Variants in AGBL1 observed in about 807,000 individuals in gnomAD.
AGBL1 encodes the protein AGBL carboxypeptidase 1.
AGBL1 carries 130 observed loss-of-function variants against 118.9 expected under a neutral mutation model. The observed-to-expected ratio is 1.09, with a 90% CI of 0.95 to 1.26. The LOEUF (loss-of-function observed/expected upper bound fraction) is 1.26. Among genes scored for constraint, AGBL1 ranks in the 50% most tolerant of loss-of-function variants. AGBL1 has a pLI of 0.00. For synonymous variants in AGBL1, 555 were observed against 478.9 expected (o/e 1.16, Z -2.08); for missense variants, 1,584 against 1,298.1 (o/e 1.22, Z -3.38).
rs146687747 is a variant in AGBL1, at chr15:86,891,131, A to C, written c.3159-15956A>C. On this transcript the variant is annotated intron_variant, in intron 22 of 22. Coordinates refer to ENST00000614907, the MANE Select transcript of AGBL1 (RefSeq NM_001386094.1). Reference sequence around the variant, plus strand: ...TGTTAGCTGTATTCCTAGGTATTTTATTCTTTTTGTAGTAATTGTGAATGG... The same window carrying C: ...TGTTAGCTGTATTCCTAGGTATTTTCTTCTTTTTGTAGTAATTGTGAATGG... Among the ~76,000 whole-genome samples, 134 of 151,990 alleles carry C rather than the reference A, an allele frequency of 8.8e-4. 1 individual carries two copies. Among genetic ancestry groups the C allele is most frequent in the African/African-American group, 3.2e-3 (131 of 41,466 alleles).
intron 22 of AGBL1, among the ~76,000 whole-genome samples, chr15:86,753,672 A>T (rs1013093859): frequency 2.0e-5 from 3 of 152,106 alleles, no homozygotes; most frequent in Non-Finnish European, 2.9e-5. Context: ...TGCTGGGAGT[A>T]CAGGCGTAAG....
chr15:86,679,895 C>G (rs963883776), intron 22 of AGBL1, among the ~76,000 whole-genome samples: 7 of 152,014 alleles, frequency 4.6e-5, no homozygotes, highest in Admixed American at 2.6e-4. Context: ...TGGCTGTGAT[C>G]TGAAATATTA....
intron 17 of AGBL1, among the ~76,000 whole-genome samples, chr15:86,348,742 C>T (rs995558549): frequency 6.8e-6 from 1 of 148,036 alleles, no homozygotes; most frequent in Admixed American, 6.8e-5. Context: ...TGAGCCACTG[C>T]ACTTCAGCCT....
intron 17 of AGBL1, among the ~76,000 whole-genome samples, chr15:86,337,547 T>A (rs560151525): frequency 6.6e-6 from 1 of 152,328 alleles, no homozygotes; most frequent in African/African-American, 2.4e-5. Flanking sequence ...TGAGATCATA[T>A]CCTTTGCAGG....
rs545613928 is a variant in AGBL1, at chr15:87,008,675, G to A, written c.3324-20150G>A. On this transcript the variant is annotated intron_variant, in intron 24 of 24. Transcript: ENST00000441037. ...AATGTGGAAAAGTTTGAAACCCCCT[G>A]GAGACTTGTTGAATGGCTTTGACCA... Among the ~76,000 whole-genome samples, 6 of 152,286 alleles carry A rather than the reference G, an allele frequency of 3.9e-5. No homozygotes were observed. In the South Asian group the frequency reaches 1.2e-3, roughly 32 times the overall value.
chr15:86,727,032 G>A (rs545029225), intron 22 of AGBL1, among the ~76,000 whole-genome samples: 2 of 152,258 alleles, frequency 1.3e-5, no homozygotes, highest in East Asian at 3.9e-4. Flanking sequence ...TTAAAATGCA[G>A]AACACGTTTA....
chr15:86,576,526 G>T (rs146268796), intron 21 of AGBL1, among the ~76,000 whole-genome samples: 1 of 152,300 alleles, frequency 6.6e-6, no homozygotes, highest in East Asian at 1.9e-4. Context: ...CAGCCAAAGT[G>T]ACTGACACAA....
intron 22 of AGBL1, among the ~76,000 whole-genome samples, chr15:86,880,277 G>A (rs550734579): frequency 6.6e-6 from 1 of 152,170 alleles, no homozygotes; most frequent in African/African-American, 2.4e-5. Context: ...CACTCATTTA[G>A]AGGACTCATA....
intron 21 of AGBL1, among the ~76,000 whole-genome samples, chr15:86,655,666 G>A (rs2085451750): frequency 6.6e-6 from 1 of 152,272 alleles, no homozygotes; most frequent in East Asian, 1.9e-4. Context: ...AAATTGCCCT[G>A]GTGTGTTATT....
rs184014443 is a variant in AGBL1 at position 86,893,591 on chromosome 15, A to G, written c.3159-13496A>G. Among the ~76,000 whole-genome samples, 55 of 152,336 alleles carry G rather than the reference A, an allele frequency of 3.6e-4. 1 individual carries two copies. The East Asian group carries it at 8.1e-3, about 22-fold the overall frequency. ...ACATCATAAAGTTGCAAATTGCTGTATAGGCTGGCTTGGAAGAATGGCAAG... is the reference window on the plus strand; with the variant it reads ...ACATCATAAAGTTGCAAATTGCTGTGTAGGCTGGCTTGGAAGAATGGCAAG... On this transcript the variant is annotated intron_variant, in intron 22 of 22. Transcript: ENST00000614907.
chr15:86,281,837 C>G (rs1357121410), intron 16 of AGBL1, among the ~76,000 whole-genome samples: 2 of 152,156 alleles, frequency 1.3e-5, no homozygotes, highest in Non-Finnish European at 2.9e-5. Flanking sequence ...TTTTATGAGT[C>G]CATGTAGTCA....
intron 9 of AGBL1, among the ~76,000 whole-genome samples, chr15:86,261,955 T>G (rs1272061011): frequency 6.6e-6 from 1 of 152,120 alleles, no homozygotes; most frequent in Middle Eastern, 3.2e-3. Context: ...TCCCGCCTAC[T>G]TCTCAAATCT....
intron 22 of AGBL1, among the ~76,000 whole-genome samples, chr15:86,719,855 G>A (rs944610704): frequency 5.9e-5 from 9 of 152,200 alleles, no homozygotes; most frequent in Non-Finnish European, 1.3e-4. Context: ...GTGGGAGGAT[G>A]AGGATAATGT....
intron 6 of AGBL1, among the ~76,000 whole-genome samples, chr15:86,233,471 G>A (rs2078489166): frequency 6.6e-6 from 1 of 151,568 alleles, no homozygotes; most frequent in South Asian, 2.1e-4. Flanking sequence ...CCCAATTAAT[G>A]ACAGCATGAC....
chr15:86,944,689 A>G (rs1372131901), intron 23 of AGBL1, among the ~76,000 whole-genome samples: 1 of 152,240 alleles, frequency 6.6e-6, no homozygotes, highest in East Asian at 1.9e-4. Flanking sequence ...TTCATTCATG[A>G]AATCTGCAAA....
chr15:86,662,729 G>T (rs920998794), intron 21 of AGBL1, among the ~76,000 whole-genome samples: 1 of 152,120 alleles, frequency 6.6e-6, no homozygotes, highest in African/African-American at 2.4e-5. Flanking sequence ...ACAAATAAAA[G>T]TTCATAACTA....
At chr15:86,970,743 A>G (rs1368055092) in intron 23 of AGBL1, among the ~76,000 whole-genome samples, 1 of 151,988 alleles carries the variant, frequency 6.6e-6, no homozygotes. Context: ...TTCCATATGC[A>G]TATTGGATGG....
intron 22 of AGBL1, among the ~76,000 whole-genome samples, chr15:86,881,846 G>T (rs964604071): frequency 2.6e-5 from 4 of 152,244 alleles, no homozygotes; most frequent in South Asian, 2.1e-4. Flanking sequence ...ATGTGGGCTA[G>T]GCTTACATAC....
At chr15:87,020,148 A>G (rs1270336823) in intron 24 of AGBL1, among the ~76,000 whole-genome samples, 1 of 152,146 alleles carries the variant, frequency 6.6e-6, no homozygotes, top group Non-Finnish European at 1.5e-5. Flanking sequence ...AAAGCCCAGG[A>G]CCAGAAGAAT....
Sources: allele counts gnomAD v4.1 joint callset (sites outside exome capture counted in the v4.1 genomes callset), GRCh38; gene constraint gnomAD v4.1.1; transcripts MANE v1.5; gene names NCBI Gene and HGNC (gene_info 2026-07-23, HGNC 2026-07-21).